The following PIAS1 variants were observed in gnomAD, a reference collection of about 807,000 sequenced individuals.
PIAS1 encodes protein inhibitor of activated STAT 1, also known as E3 SUMO-protein ligase PIAS1.
PIAS1 carries 6 observed loss-of-function variants against 71.3 expected under a neutral mutation model. The ratio of observed to expected loss-of-function variants is 0.08; its 90% CI spans 0.05 to 0.17. The LOEUF (loss-of-function observed/expected upper bound fraction) is 0.17. Among genes scored for constraint, PIAS1 ranks in the 10% least tolerant of loss-of-function variants. The probability of loss-of-function intolerance (pLI) is 1.00; values close to 1 mark genes in which losing one functional copy is unlikely to be tolerated. For missense variants in PIAS1, 555 were observed against 793.6 expected (o/e 0.70, Z 3.61); for synonymous variants, 303 against 292.9 (o/e 1.03, Z -0.35).
intron 2 of PIAS1, among the ~76,000 whole-genome samples, chr15:68,138,073 A>T (rs186666652): frequency 1.4e-4 from 21 of 152,248 alleles, no homozygotes; most frequent in Admixed American, 2.6e-4. Context: ...TTGCTTGAGC[A>T]CAGGAGTTTG....
At position 68,187,883 on chromosome 15, in the gene PIAS1, G is replaced by A. The variant is rs1241570667; in HGVS notation, c.*48G>A. On this transcript the variant is annotated 3_prime_UTR_variant, in exon 14 of 14. Coordinates refer to ENST00000249636, the MANE Select transcript of PIAS1 (RefSeq NM_016166.3). This position sits in a 1 kb window ranked among gnomAD's most constrained non-coding sequence, Gnocchi z 5.3. ...TCCCCACCCCAGATCGAATGAACTT[G>A]GCAGAAAGAAGAGAACTTTGTGCTC... The A allele has an allele frequency of 3.2e-6, 5 of 1,549,028 alleles. No individual in the cohort carries two copies. The highest frequency in any genetic ancestry group is 3.5e-6 in the Non-Finnish European group (4 of 1,132,864).
intron 2 of PIAS1, among the ~76,000 whole-genome samples, chr15:68,135,187 G>A (rs1393375107): frequency 4.6e-5 from 2 of 43,902 alleles, no homozygotes; most frequent in Non-Finnish European, 9.1e-5. Context: ...CTGGCCGGGC[G>A]GGGGGCTGAC....
At chr15:68,063,412 T>A (rs1341585677) in intron 1 of PIAS1, among the ~76,000 whole-genome samples, 2 of 152,194 alleles carry the variant, frequency 1.3e-5, no homozygotes, top group African/African-American at 4.8e-5. Flanking sequence ...TATGGGCTTC[T>A]GTAAGTTACC....
intron 2 of PIAS1, among the ~76,000 whole-genome samples, chr15:68,124,158 T>A (rs183567169): frequency 1.3e-5 from 2 of 152,316 alleles, no homozygotes; most frequent in Non-Finnish European, 2.9e-5. Context: ...GAGGTTATTT[T>A]TATTTTGAAA....
intron 2 of PIAS1, among the ~76,000 whole-genome samples, chr15:68,115,668 G>A (rs1273787404): frequency 1.3e-5 from 2 of 152,048 alleles, no homozygotes; most frequent in Admixed American, 6.6e-5. Context: ...AGTGTTTCCT[G>A]TAAATTTTCA....
At position 68,086,561 on chromosome 15, in the gene PIAS1, A is replaced by G. The variant is rs1033536940; in HGVS notation, c.280A>G (p.Ile94Val). The change falls in exon 2 of 14, where the codon ATT (isoleucine) becomes GTT (valine). Residue 94 changes from isoleucine to valine, a missense_variant. Ile to Val is a conservative substitution (Grantham distance 29). Around this residue, in one of 5 missense-constraint regions of PIAS1, gnomAD observed 80 missense variants for 66.9 expected, o/e 1.20. Transcript: ENST00000249636. This position sits in a 1 kb window ranked among gnomAD's most constrained non-coding sequence, Gnocchi z 7.2. ...PMPATLSPSTIPQLTYDGHPA... is the reference protein window; with the variant it reads ...PMPATLSPSTVPQLTYDGHPA... ...GCCAGCAACTTTGTCTCCATCTACCATTCCACAACTCACTTACGATGGTCA... is the reference window on the plus strand; with the variant it reads ...GCCAGCAACTTTGTCTCCATCTACCGTTCCACAACTCACTTACGATGGTCA... 1.2e-6 allele frequency: 2 copies of G among 1,613,776 alleles called. No individual in the cohort carries two copies. Among genetic ancestry groups the G allele is most frequent in the African/African-American group, 2.7e-5 (2 of 74,870 alleles).
chr15:68,183,511 TA>T, intron 12 of PIAS1, 118 bp from the exon 13 acceptor site: 1 of 589,400 alleles, frequency 1.7e-6, no homozygotes, highest in Admixed American at 3.2e-5. Flanking sequence ...TCTTCATGTT[TA>T]AATAAAATTC....
chr15:68,092,346 A>G (rs2092339135), intron 2 of PIAS1, among the ~76,000 whole-genome samples: 1 of 151,748 alleles, frequency 6.6e-6, no homozygotes. Flanking sequence ...TCATTTTTGC[A>G]TTTTTTGTAG....
At chr15:68,106,883 C>T (rs1337066907) in intron 2 of PIAS1, among the ~76,000 whole-genome samples, 1 of 152,148 alleles carries the variant, frequency 6.6e-6, no homozygotes, top group Non-Finnish European at 1.5e-5. Flanking sequence ...TGTGTTGGAT[C>T]GCTGTTTCTT....
chr15:68,089,409 T>C (rs1467614084), intron 2 of PIAS1, among the ~76,000 whole-genome samples: 1 of 152,200 alleles, frequency 6.6e-6, no homozygotes, highest in Non-Finnish European at 1.5e-5. Context: ...ATCTCAATTC[T>C]GTTTGTTTCT....
At position 68,186,431 on chromosome 15, in the gene PIAS1, TTTAAA is replaced by T. The variant is rs2093087978; in HGVS notation, c.1663-1106_1663-1102del. Among the ~76,000 whole-genome samples, 1 of 152,254 alleles carries T rather than the reference TTTAAA, an allele frequency of 6.6e-6. No homozygotes were observed. The highest frequency in any genetic ancestry group is 1.5e-5 in the Non-Finnish European group (1 of 68,040). On this transcript the variant is annotated intron_variant, in intron 13 of 13. Transcript: ENST00000249636. This position sits in a 1 kb window ranked among gnomAD's most constrained non-coding sequence, Gnocchi z 4.4. ...GTTCAGCTGTACAATGTACTTGTGT[TTTAAA>T]TTAAGTGTTACAAGAGTCAAAGTTT...
At position 68,176,646 on chromosome 15, in the gene PIAS1, T is replaced by C. The variant is rs778273151; in HGVS notation, c.1473T>C (p.Asn491=). 6.3e-7 allele frequency: 1 copy of C among 1,580,396 alleles called. No individual in the cohort carries two copies. The highest frequency in any genetic ancestry group is 8.6e-7 in the Non-Finnish European group (1 of 1,166,660). Residue 491 remains asparagine, a synonymous_variant, in exon 11 of 14, where the codon AAT becomes AAC. Coordinates refer to ENST00000249636, the MANE Select transcript of PIAS1 (RefSeq NM_016166.3). ...CCCTATCTCCCACATCACCACTAAA[T>C]AATAAAGGGTAAGTGCTGAGACATT... The part of the protein sequence containing the change: ...CPSLSPTSPL[N]NKGILSLPHQ...
At chr15:68,073,080 A>G (rs2092118008) in intron 1 of PIAS1, among the ~76,000 whole-genome samples, 2 of 152,228 alleles carry the variant, frequency 1.3e-5, no homozygotes, top group South Asian at 4.1e-4. Flanking sequence ...CAGTGGCGCA[A>G]TCTCGGCCCA....
At chr15:68,172,601 C>G (rs2141088787) in intron 8 of PIAS1, among the ~76,000 whole-genome samples, 1 of 152,318 alleles carries the variant, frequency 6.6e-6, no homozygotes, top group South Asian at 2.1e-4. Flanking sequence ...TTCAAGTTCA[C>G]AAATCTTTTC....
At chr15:68,088,730 C>T (rs943582595) in intron 2 of PIAS1, among the ~76,000 whole-genome samples, 1 of 152,024 alleles carries the variant, frequency 6.6e-6, no homozygotes, top group Non-Finnish European at 1.5e-5. Context: ...TGTAATTAGT[C>T]TTCAGGGTGT....
At chr15:68,090,470 A>G (rs1165561201) in intron 2 of PIAS1, among the ~76,000 whole-genome samples, 1 of 151,812 alleles carries the variant, frequency 6.6e-6, no homozygotes, top group East Asian at 1.9e-4. Context: ...TTTGTTCCTC[A>G]AAATGATAAG....
Position 68,086,429 on chromosome 15 carries a change from A to G in PIAS1, c.148A>G (p.Ser50Gly). ...CCTGCATTTGCTAAAGGCTGGCTGT[A>G]GTCCTGCTGTGCAAATGAAAATTAA... ...KALHLLKAGC[S>G]PAVQMKIKEL... The change falls in exon 2 of 14, where the codon AGT becomes GGT. Residue 50 changes from serine (S) to glycine (G), a missense_variant. Coordinates refer to ENST00000249636, the MANE Select transcript of PIAS1 (RefSeq NM_016166.3). The surrounding 1 kb of genome is among the most constrained non-coding windows in gnomAD (Gnocchi z 7.2). 6.2e-7 allele frequency: 1 copy of G among 1,613,962 alleles called. No homozygotes were observed. Among genetic ancestry groups the G allele is most frequent in the Non-Finnish European group, 8.5e-7 (1 of 1,179,846 alleles).
At chr15:68,126,225 C>A (rs536190892) in intron 2 of PIAS1, among the ~76,000 whole-genome samples, 158 of 152,096 alleles carry the variant, frequency 1.0e-3, no homozygotes, top group Middle Eastern at 3.4e-3. Flanking sequence ...TTTCTCTGTT[C>A]TCTCTTTGGA....
In PIAS1 at chr15:68,130,264, T is replaced by G. The variant is rs539930903; in HGVS notation, c.470-11682T>G. On this transcript the variant is annotated intron_variant, in intron 2 of 13. Transcript: ENST00000249636. ...ATGAAAGAGGCAAAATATATAAGCT[T>G]CTTGCAGATCTGATTAAACAAAATC... 1.3e-4 allele frequency among the ~76,000 whole-genome samples: 20 copies of G among 152,064 alleles called. 1 individual carries two copies. The South Asian group carries it at 3.9e-3, about 30-fold the overall frequency.
Sources: allele counts gnomAD v4.1 joint callset (sites outside exome capture counted in the v4.1 genomes callset), GRCh38; gene constraint gnomAD v4.1.1; regional missense constraint gnomAD v4.1.1; non-coding constraint Gnocchi (gnomAD v3.1); transcripts MANE v1.5; gene names NCBI Gene and HGNC (gene_info 2026-07-23, HGNC 2026-07-21).